Variants in SELENOO observed in about 807,000 individuals in gnomAD.
SELENOO encodes selenoprotein O.
A neutral mutation model predicts 58.7 loss-of-function variants in SELENOO; 74 were observed. That is an observed-to-expected ratio of 1.26 (90% CI 1.04 to 1.53). The LOEUF is 1.53. Ranked by LOEUF, SELENOO falls within the 40% of genes most tolerant of loss-of-function variation. The pLI is 0.00. For synonymous variants in SELENOO, 543 were observed against 453.2 expected (o/e 1.20, Z -2.52); for missense variants, 1,149 against 970.0 (o/e 1.18, Z -2.45).
In SELENOO at chr22:50,217,141, C is replaced by T. The variant is rs559010318; in HGVS notation, c.1845+13C>T. ...GGACTTCTCAGAGGCAAGCACACGCCTGTCCCTGTGGTCCCTGGGAGGGGG... is the reference window on the plus strand; with the variant it reads ...GGACTTCTCAGAGGCAAGCACACGCTTGTCCCTGTGGTCCCTGGGAGGGGG... On this transcript the variant is annotated intron_variant, in intron 8 of 8. Transcript: ENST00000380903. 3 of 1,611,842 alleles carry T rather than the reference C, an allele frequency of 1.9e-6. No homozygotes were observed. In the African/African-American group the frequency reaches 4.0e-5, roughly 21 times the overall value.
rs774965985 is a variant in SELENOO, at chr22:50,217,190, C to T, written c.1846-15C>T. ...GGGTCGGCCCCAGACCCCTCTCACCCTCCTGATCCTCCAGGTGCGGCGGGT... is the reference window on the plus strand; with the variant it reads ...GGGTCGGCCCCAGACCCCTCTCACCTTCCTGATCCTCCAGGTGCGGCGGGT... On this transcript the variant is annotated splice_polypyrimidine_tract_variant and intron_variant, in intron 8 of 8. Transcript: ENST00000380903. 2.5e-6 allele frequency: 4 copies of T among 1,611,986 alleles called. No homozygotes were observed. Among genetic ancestry groups the T allele is most frequent in the African/African-American group, 1.3e-5 (1 of 75,034 alleles).
At chr22:50,212,129 C>G (rs1281385651) in intron 5 of SELENOO, among the ~76,000 whole-genome samples, 1 of 152,162 alleles carries the variant, frequency 6.6e-6, no homozygotes, top group Non-Finnish European at 1.5e-5. Flanking sequence ...GCTTTGATGT[C>G]AAGGTGGTGC....
chr22:50,209,019 T>G (rs55958053), intron 3 of SELENOO, among the ~76,000 whole-genome samples: 17,970 of 152,152 alleles, frequency 0.12, 1,138 homozygotes, highest in South Asian at 0.22. Flanking sequence ...GACCATGGGC[T>G]GGGCACCTCC....
Position 50,217,201 on chromosome 22 carries a change from C to T in SELENOO, c.1846-4C>T, listed in dbSNP as rs753111134. ...AGACCCCTCTCACCCTCCTGATCCT[C>T]CAGGTGCGGCGGGTGCTGAAACTAC... On this transcript the variant is annotated splice_polypyrimidine_tract_variant and splice_region_variant and intron_variant, in intron 8 of 8. Coordinates refer to ENST00000380903, the MANE Select transcript of SELENOO (RefSeq NM_031454.2). 1.9e-6 allele frequency: 3 copies of T among 1,612,150 alleles called. No individual in the cohort carries two copies. Among genetic ancestry groups the T allele is most frequent in the Non-Finnish European group, 2.5e-6 (3 of 1,179,298 alleles).
At chr22:50,206,549 A>G (rs1602489493) in intron 2 of SELENOO, 29 bp downstream of exon 2, 4 of 1,580,324 alleles carry the variant, frequency 2.5e-6, no homozygotes, top group East Asian at 4.6e-5. Context: ...CGGCCTGTCT[A>G]CACGCACTTG....
intron 4 of SELENOO, 72 bp downstream of exon 4, chr22:50,210,383 C>T (rs535335055): frequency 1.8e-4 from 277 of 1,549,144 alleles, no homozygotes; most frequent in Non-Finnish European, 2.2e-4. Context: ...AAACCTGCTG[C>T]CCCCAGGCAC....
intron 5 of SELENOO, among the ~76,000 whole-genome samples, chr22:50,211,332 C>T (rs2064370239): frequency 6.6e-6 from 1 of 152,180 alleles, no homozygotes. Context: ...ATGCAGAGAT[C>T]TCTGACTCCC....
In SELENOO at chr22:50,201,483, C is replaced by T. The variant is rs988741782; in HGVS notation, c.447C>T (p.Ala149=). Residue 149 remains alanine (A), a synonymous_variant, in exon 1 of 9, where the codon GCC becomes GCT. Transcript: ENST00000380903. ...GCGGCCACCAATTCGGCCAGTTCGCCGGGCAGCTGGGCGACGGCGCCGCCA... is the reference window on the plus strand; with the variant it reads ...GCGGCCACCAATTCGGCCAGTTCGCTGGGCAGCTGGGCGACGGCGCCGCCA... ...CYCGHQFGQF[A]GQLGDGAAMY... 5 of 1,424,618 alleles carry T rather than the reference C, an allele frequency of 3.5e-6. No homozygotes were observed. Among genetic ancestry groups the T allele is most frequent in the East Asian group, 6.3e-5 (2 of 31,902 alleles). The allele number at this position is 1,424,618 out of a possible 1,614,324, so 88.2% of individuals were successfully genotyped here.
At chr22:50,215,541 G>A (rs1487473178) in intron 5 of SELENOO, among the ~76,000 whole-genome samples, 176 bp from the exon 6 acceptor site, 2 of 151,388 alleles carry the variant, frequency 1.3e-5, no homozygotes, top group Admixed American at 1.3e-4. Flanking sequence ...GCCAGGTGGA[G>A]GGTGTGGGTC....
intron 3 of SELENOO, chr22:50,209,299 C>G (rs753511558): frequency 5.2e-5 from 8 of 152,536 alleles, no homozygotes; most frequent in Non-Finnish European, 8.8e-5. Flanking sequence ...TTTGAGAAGT[C>G]TCAGGCCACC....
intron 6 of SELENOO, 105 bp from the exon 7 acceptor site, chr22:50,216,586 G>A (rs1420978041): frequency 1.7e-5 from 19 of 1,115,896 alleles, no homozygotes; most frequent in Admixed American, 6.6e-5. Context: ...TGGGCCCTTG[G>A]ACTCTAGGTG....
At position 50,216,674 on chromosome 22, in the gene SELENOO, C is replaced by A; in HGVS notation, c.1503-17C>A. ...ACGGTCAGGGGCTACCTCCCAGACA[C>A]CCTGGCCTCTCCACAGGCAGCTATC... On this transcript the variant is annotated splice_polypyrimidine_tract_variant and intron_variant, in intron 6 of 8. Transcript: ENST00000380903. 1 of 1,569,590 alleles carries A rather than the reference C, an allele frequency of 6.4e-7. No homozygotes were observed. Among genetic ancestry groups the A allele is most frequent in the African/African-American group, 1.4e-5 (1 of 73,966 alleles).
chr22:50,209,593 G>A (rs565754283), intron 3 of SELENOO: 15 of 152,896 alleles, frequency 9.8e-5, no homozygotes, highest in African/African-American at 3.4e-4. Flanking sequence ...TCTTCTGCCA[G>A]TGACGCAGGG....
Position 50,201,205 on chromosome 22 carries a change from G to C in SELENOO, c.169G>C (p.Ala57Pro), listed in dbSNP as rs2064296645. Reference sequence around the variant, plus strand: ...GCGCTTCGACAACCGCGCCCTGCGCGCCCTGCCCGTGGAGGCGCCGCCGCC... The same window carrying C: ...GCGCTTCGACAACCGCGCCCTGCGCCCCCTGCCCGTGGAGGCGCCGCCGCC... ...GLRFDNRALR[A>P]LPVEAPPPGP... Residue 57 changes from alanine (A) to proline (P), a missense_variant, in exon 1 of 9, where the codon GCC (alanine) becomes CCC (proline). By Grantham distance (27) the Ala-to-Pro change is conservative. Coordinates refer to ENST00000380903, the MANE Select transcript of SELENOO (RefSeq NM_031454.2). The C allele has an allele frequency of 2.5e-6, 3 of 1,194,876 alleles. No homozygotes were observed. Among genetic ancestry groups the C allele is most frequent in the Non-Finnish European group, 3.1e-6 (3 of 965,204 alleles). The allele number at this position is 1,194,876 out of a possible 1,614,324, so 74.0% of individuals were successfully genotyped here.
chr22:50,201,528 C>A lies in SELENOO; in HGVS notation c.492C>A (p.Cys164Ter). The A allele has an allele frequency of 7.0e-7, 1 of 1,418,956 alleles. No homozygotes were observed. Among genetic ancestry groups the A allele is most frequent in the Non-Finnish European group, 9.2e-7 (1 of 1,085,028 alleles). 87.9% of individuals were successfully genotyped at this position (1,418,956 alleles called of 1,614,324 possible). A position where few individuals can be genotyped will look rare whatever the true frequency, so the allele number is the denominator to read the frequency against. ...DGAAMYLGEV[C>*]TATGERWELQ... ...CCGCCATGTACCTGGGCGAGGTGTG[C>A]ACGGCGACCGGCGAGCGCTGGGAGC... The change falls in exon 1 of 9, where the codon TGC (cysteine) becomes TGA (stop). Residue 164 changes from cysteine (C) to a stop codon, truncating the protein, a stop_gained. Transcript: ENST00000380903. LOFTEE classifies it high-confidence loss of function.
chr22:50,216,933 C>T (rs2064419183), intron 7 of SELENOO, 39 bp from the exon 8 acceptor site: 2 of 1,603,136 alleles, frequency 1.2e-6, no homozygotes, highest in South Asian at 2.2e-5. Context: ...GGAAAAAGTC[C>T]AGCCCGGCTG....
rs1569105754 is a variant in SELENOO at position 50,216,857 on chromosome 22, G to A, written c.1669G>A (p.Asp557Asn). 4 of 1,607,918 alleles carry A rather than the reference G, an allele frequency of 2.5e-6. No individual in the cohort carries two copies. The highest frequency in any genetic ancestry group is 1.1e-5 in the South Asian group (1 of 91,038). The change falls in exon 7 of 9, where the codon GAC (aspartate) becomes AAC (asparagine). Residue 557 changes from aspartate to asparagine, a missense_variant. Asp to Asn is a conservative substitution (Grantham distance 23, BLOSUM62 1). Coordinates refer to ENST00000380903, the MANE Select transcript of SELENOO (RefSeq NM_031454.2). ...GAGCAGGAACCAGGGCCACTGGGCTGACTGGCTACAGGCGTACAGGTGAGC... is the reference window on the plus strand; with the variant it reads ...GAGCAGGAACCAGGGCCACTGGGCTAACTGGCTACAGGCGTACAGGTGAGC... Reference protein sequence around the residue: ...LQSRNQGHWADWLQAYRARLD... With the variant: ...LQSRNQGHWANWLQAYRARLD...
At chr22:50,210,103 G>T (rs1298543430) in intron 3 of SELENOO, 78 bp from the exon 4 acceptor site, 4 of 1,540,222 alleles carry the variant, frequency 2.6e-6, no homozygotes, top group Non-Finnish European at 3.5e-6. Flanking sequence ...GCCGGTTTCA[G>T]GGAGGGGAAG....
At chr22:50,202,655 A>AATGGG (rs1246613623) in intron 1 of SELENOO, among the ~76,000 whole-genome samples, 2 of 152,078 alleles carry the variant, frequency 1.3e-5, no homozygotes, top group African/African-American at 2.4e-5. Context: ...TTAAAAAGAC[A>AATGGG]ATTTTTTTTA....
Sources: allele counts gnomAD v4.1 joint callset (sites outside exome capture counted in the v4.1 genomes callset), GRCh38; gene constraint gnomAD v4.1.1; transcripts MANE v1.5; gene names NCBI Gene and HGNC (gene_info 2026-07-23, HGNC 2026-07-21).